Variants in CRISPLD1 observed in about 807,000 individuals in gnomAD.
CRISPLD1 encodes cysteine rich secretory protein LCCL domain containing 1, also known as cysteine-rich secretory protein LCCL domain-containing 1.
Under a neutral mutation model 77.5 loss-of-function variants are expected in CRISPLD1, and 60 were observed. The observed-to-expected ratio is 0.77, with a 90% CI of 0.63 to 0.96. The LOEUF (loss-of-function observed/expected upper bound fraction) is 0.96, where lower values mean the gene tolerates loss of function less well. Among genes scored for constraint, CRISPLD1 ranks in the 40% least tolerant of loss-of-function variants. The pLI, the probability that CRISPLD1 is intolerant of heterozygous loss-of-function variation, is 0.00. For synonymous variants in CRISPLD1, 195 were observed against 200.1 expected (o/e 0.97, Z 0.22); for missense variants, 623 against 615.8 (o/e 1.01, Z -0.12).
At chr8:74,995,263 G>T (rs767224417) in intron 2 of CRISPLD1, among the ~76,000 whole-genome samples, 1 of 152,170 alleles carries the variant, frequency 6.6e-6, no homozygotes, top group Non-Finnish European at 1.5e-5. Flanking sequence ...AAAGCAGAAA[G>T]GGTGATCAGC....
intron 10 of CRISPLD1, 128 bp from the exon 11 acceptor site, chr8:75,019,742 C>CT: frequency 1.5e-6 from 1 of 678,966 alleles, no homozygotes; most frequent in Admixed American, 2.6e-5. Flanking sequence ...TCTTATATTG[C>CT]TACTTGTCTA....
At chr8:75,030,297 G>T (rs569722347) in intron 14 of CRISPLD1, among the ~76,000 whole-genome samples, 1 of 152,116 alleles carries the variant, frequency 6.6e-6, no homozygotes, top group African/African-American at 2.4e-5. Flanking sequence ...AACCATCTGG[G>T]TGTCATCCTC....
chr8:75,011,848 AG>A (rs1277754638), intron 2 of CRISPLD1, among the ~76,000 whole-genome samples: 1 of 152,168 alleles, frequency 6.6e-6, no homozygotes, highest in African/African-American at 2.4e-5. Flanking sequence ...CTCATGAAAA[AG>A]ATAGATATGT....
rs376770313 is a variant in CRISPLD1, at chr8:75,025,531, T to C, written c.1245-15T>C. On this transcript the variant is annotated splice_polypyrimidine_tract_variant and intron_variant, in intron 12 of 14. Transcript: ENST00000262207. The stretch of plus-strand genomic sequence containing the variant: ...CAGCTTACTTAATATATATATAATA[T>C]ATTATTTTTTTCAGAGTATACTGTC... 5 of 1,281,728 alleles carry C rather than the reference T, an allele frequency of 3.9e-6. No homozygotes were observed. The highest frequency in any genetic ancestry group is 5.5e-6 in the Non-Finnish European group (5 of 914,486). 79.4% of individuals were successfully genotyped at this position (1,281,728 alleles called of 1,614,324 possible). A position where few individuals can be genotyped will look rare whatever the true frequency, so the allele number is the denominator to read the frequency against.
At chr8:74,986,472 G>A (rs1248548771) in intron 2 of CRISPLD1, among the ~76,000 whole-genome samples, 1 of 152,152 alleles carries the variant, frequency 6.6e-6, no homozygotes, top group Non-Finnish European at 1.5e-5. Context: ...TTCCTACTAA[G>A]TGCTGTAAAT....
chr8:75,034,000 T>G lies in CRISPLD1; in HGVS notation c.*1758T>G, dbSNP rs1587037908. The stretch of plus-strand genomic sequence containing the variant: ...CCGATCAGTTCTGTCAGTATAAGGT[T>G]TTCTTCTATTTGCCCTTAGTTTAGA... On this transcript the variant is annotated 3_prime_UTR_variant, in exon 15 of 15. Coordinates refer to ENST00000262207, the MANE Select transcript of CRISPLD1 (RefSeq NM_031461.6). The G allele has an allele frequency of 6.6e-6, 1 of 152,052 alleles. No individual in the cohort carries two copies. The highest frequency in any genetic ancestry group is 1.9e-4 in the East Asian group (1 of 5,190). 9.4% of individuals were successfully genotyped at this position (152,052 alleles called of 1,614,324 possible).
chr8:75,014,236 G>A (rs1812987974), intron 5 of CRISPLD1, 134 bp downstream of exon 5: 2 of 628,840 alleles, frequency 3.2e-6, no homozygotes, highest in Admixed American at 3.1e-5. Flanking sequence ...TATTTAATAT[G>A]GCAACAATTG....
intron 2 of CRISPLD1, chr8:75,000,469 A>AT: frequency 1.0e-6 from 1 of 969,708 alleles, no homozygotes; most frequent in Non-Finnish European, 1.2e-6. Flanking sequence ...CTACCATGTT[A>AT]TTCCGTATGC....
intron 2 of CRISPLD1, among the ~76,000 whole-genome samples, chr8:75,000,617 C>G (rs1414991122): frequency 6.6e-6 from 1 of 151,974 alleles, no homozygotes; most frequent in African/African-American, 2.4e-5. Flanking sequence ...AGAGCCTAAC[C>G]TGCTTTTGTC....
intron 2 of CRISPLD1, among the ~76,000 whole-genome samples, chr8:74,989,949 T>C (rs887555269): frequency 3.9e-5 from 6 of 152,120 alleles, no homozygotes; most frequent in Admixed American, 2.0e-4. Context: ...ATCATGTCTT[T>C]TGCAGCAATG....
At position 75,020,029 on chromosome 8, in the gene CRISPLD1, A is replaced by G. The variant is rs981524877; in HGVS notation, c.1194A>G (p.Thr398=). Residue 398 remains threonine (T), a synonymous_variant, in exon 12 of 15, where the codon ACA becomes ACG. Transcript: ENST00000262207. ...CAGTTCAGGCTGTGACTTGTGAAACAACTGTGGAACAGCTCTGTCCATTTC... is the reference window on the plus strand; with the variant it reads ...CAGTTCAGGCTGTGACTTGTGAAACGACTGTGGAACAGCTCTGTCCATTTC... ...KVTVQAVTCE[T]TVEQLCPFHK... is the part of the protein sequence containing the mutation. 3.7e-6 allele frequency: 6 copies of G among 1,614,032 alleles called. No homozygotes were observed. Among genetic ancestry groups the G allele is most frequent in the Non-Finnish European group, 4.2e-6 (5 of 1,180,014 alleles).
chr8:75,014,005 A>G lies in CRISPLD1; in HGVS notation c.529A>G (p.Asn177Asp). ...HYTQVVWATS[N>D]RIGCAINLCH... ...AACATAGGTCGTGTGGGCAACTAGT[A>G]ACAGAATCGGTTGTGCCATTAATTT... Residue 177 changes from asparagine (N) to aspartate (D), a missense_variant, in exon 5 of 15, where the codon AAC (asparagine) becomes GAC (aspartate). By Grantham distance (23) the Asn-to-Asp change is conservative. Coordinates refer to ENST00000262207, the MANE Select transcript of CRISPLD1 (RefSeq NM_031461.6). 6.2e-7 allele frequency: 1 copy of G among 1,612,910 alleles called. No homozygotes were observed. The highest frequency in any genetic ancestry group is 8.5e-7 in the Non-Finnish European group (1 of 1,179,192).
rs569835904 is a variant in CRISPLD1, at chr8:75,012,587, TAA to T, written c.377+37_377+38del. ...GCACAACTTTTTCTTTATGAAAAAA[TAA>T]GTGTTTAAAATGAAGTCCTTATTAA... is the stretch of plus-strand genomic sequence containing the variant. On this transcript the variant is annotated intron_variant, in intron 3 of 14. Transcript: ENST00000262207. The T allele has an allele frequency of 1.2e-4, 157 of 1,348,138 alleles. No individual in the cohort carries two copies. In the African/African-American group the frequency reaches 2.1e-3, roughly 18 times the overall value. 83.5% of individuals were successfully genotyped at this position (1,348,138 alleles called of 1,614,324 possible).
At chr8:75,010,009 G>A (rs936553155) in intron 2 of CRISPLD1, among the ~76,000 whole-genome samples, 2 of 152,004 alleles carry the variant, frequency 1.3e-5, no homozygotes, top group African/African-American at 4.8e-5. Flanking sequence ...TGTTTCTGAT[G>A]TCCATGTCTT....
intron 6 of CRISPLD1, 58 bp downstream of exon 6, chr8:75,014,970 A>G: frequency 1.7e-6 from 2 of 1,176,442 alleles, no homozygotes; most frequent in East Asian, 2.9e-5. Context: ...CAGCTCCTGC[A>G]TTACTTATGT....
chr8:74,994,553 A>G (rs1466198588), intron 2 of CRISPLD1, among the ~76,000 whole-genome samples: 2 of 152,176 alleles, frequency 1.3e-5, no homozygotes, highest in East Asian at 3.9e-4. Context: ...CACAATTTCA[A>G]GAGATTAGAG....
chr8:75,011,265 T>A (rs1812925076), intron 2 of CRISPLD1, among the ~76,000 whole-genome samples: 1 of 143,752 alleles, frequency 7.0e-6, no homozygotes, highest in South Asian at 2.5e-4. Flanking sequence ...CCTAATGCTA[T>A]GCCTCCCCCC....
At chr8:75,013,053 C>T (rs773239890) in intron 4 of CRISPLD1, 31 bp downstream of exon 4, 1 of 1,462,276 alleles carries the variant, frequency 6.8e-7, no homozygotes. Flanking sequence ...ACTTAATTCC[C>T]CCAAATTGAG....
intron 2 of CRISPLD1, among the ~76,000 whole-genome samples, chr8:75,007,132 C>T (rs1812846111): frequency 6.6e-6 from 1 of 151,700 alleles, no homozygotes; most frequent in Admixed American, 6.6e-5. Flanking sequence ...TAATGTAGTA[C>T]TATAATAATT....
Sources: allele counts gnomAD v4.1 joint callset (sites outside exome capture counted in the v4.1 genomes callset), GRCh38; gene constraint gnomAD v4.1.1; transcripts MANE v1.5; gene names NCBI Gene and HGNC (gene_info 2026-07-23, HGNC 2026-07-21).